The following OTOF variants were observed in gnomAD, a reference collection of about 807,000 sequenced individuals.
The protein encoded by OTOF is otoferlin.
A neutral mutation model predicts 236.8 loss-of-function variants in OTOF; 218 were observed. That is an observed-to-expected ratio of 0.92 (90% CI 0.82 to 1.03). The LOEUF (loss-of-function observed/expected upper bound fraction) is 1.03. Ranked by LOEUF, OTOF falls within the 50% of genes least tolerant of loss-of-function variation. The pLI is 0.00. For synonymous variants in OTOF, 1,041 were observed against 1,072.5 expected, an observed-to-expected ratio of 0.97 and a Z score of 0.57; for missense variants, 2,590 against 2,694.4, an observed-to-expected ratio of 0.96 and a Z score of 0.86.
intron 3 of OTOF, among the ~76,000 whole-genome samples, chr2:26,521,648 C>T (rs1161007174): frequency 4.6e-5 from 7 of 152,206 alleles, no homozygotes; most frequent in South Asian, 2.1e-4. Context: ...GTGTGCTGAG[C>T]AAGATTGGCC....
Position 26,476,039 on chromosome 2 carries a change from C to T in OTOF, c.2867-1G>A. ...GCTCGGAGCTGGAACGCCTGCTTCT[C>T]TGTGGGGAAGGGCAGCCTGAGGTTC... On this transcript the variant is annotated splice_acceptor_variant, in intron 23 of 46. Transcript: ENST00000272371. LOFTEE classifies it high-confidence loss of function. 1 of 1,612,734 alleles carries T rather than the reference C, an allele frequency of 6.2e-7. No individual in the cohort carries two copies. The highest frequency in any genetic ancestry group is 8.5e-7 in the Non-Finnish European group (1 of 1,179,928).
chr2:26,464,752 T>C, intron 39 of OTOF, 117 bp downstream of exon 39: 1 of 1,021,668 alleles, frequency 9.8e-7, no homozygotes, highest in Non-Finnish European at 1.4e-6. Flanking sequence ...TAAGACCAGG[T>C]TTAGGCTGAG....
intron 9 of OTOF, among the ~76,000 whole-genome samples, chr2:26,492,226 G>A (rs950549706): frequency 2.0e-5 from 3 of 152,166 alleles, no homozygotes; most frequent in African/African-American, 7.2e-5. Flanking sequence ...AAACTTGGTA[G>A]CTGTAACTAA....
chr2:26,458,035 G>A lies in OTOF; in HGVS notation c.*203C>T, dbSNP rs1401559056. On this transcript the variant is annotated 3_prime_UTR_variant, in exon 47 of 47. Transcript: ENST00000272371. ...TGGGGAGCGGCTGGCGGGAGCTGGC[G>A]GCCTTCATGCCCCAAGGAGCTTTTT... 1.4e-5 allele frequency: 22 copies of A among 1,610,482 alleles called. No individual in the cohort carries two copies. Among genetic ancestry groups the A allele is most frequent in the Middle Eastern group, 1.7e-4 (1 of 6,046 alleles).
At chr2:26,465,588 C>G in intron 38 of OTOF, 84 bp downstream of exon 38, 2 of 1,463,640 alleles carry the variant, frequency 1.4e-6, no homozygotes, top group South Asian at 2.3e-5. Flanking sequence ...TCTAACCTCT[C>G]AAATCACCAG....
At chr2:26,467,573 C>G in intron 33 of OTOF, 72 bp from the exon 34 acceptor site, 1 of 1,535,556 alleles carries the variant, frequency 6.5e-7, no homozygotes, top group South Asian at 1.2e-5. Context: ...AGACCCAGCT[C>G]TGTCGCTAAT....
At chr2:26,472,437 G>C in intron 30 of OTOF, 82 bp downstream of exon 30, 1 of 1,561,860 alleles carries the variant, frequency 6.4e-7, no homozygotes, top group Non-Finnish European at 8.8e-7. Flanking sequence ...TTTTCTCTCG[G>C]GGCAGATAGT....
chr2:26,501,861 G>A, intron 7 of OTOF, 53 bp from the exon 8 acceptor site: 4 of 1,311,496 alleles, frequency 3.0e-6, no homozygotes, highest in Non-Finnish European at 4.4e-6. Context: ...GCTTGTTGGG[G>A]AGGAGGACAC....
chr2:26,478,828 A>G (rs1665434209), intron 18 of OTOF, among the ~76,000 whole-genome samples: 1 of 152,124 alleles, frequency 6.6e-6, no homozygotes, highest in South Asian at 2.1e-4. Context: ...CCTCCCGAAT[A>G]GCTGGGATTA....
intron 32 of OTOF, among the ~76,000 whole-genome samples, chr2:26,468,943 C>A (rs1412820674): frequency 1.3e-5 from 2 of 152,050 alleles, no homozygotes; most frequent in African/African-American, 4.8e-5. Context: ...AGGAGCAATA[C>A]CCACTGTAAA....
chr2:26,527,569 G>A (rs1666839243), intron 3 of OTOF, among the ~76,000 whole-genome samples: 2 of 152,332 alleles, frequency 1.3e-5, no homozygotes, highest in South Asian at 4.1e-4. Context: ...CTTTGATGGG[G>A]TTGGAGACAG....
chr2:26,484,615 T>C lies in OTOF; in HGVS notation c.1064A>G (p.Lys355Arg), dbSNP rs753220488. The C allele has an allele frequency of 1.1e-5, 18 of 1,613,682 alleles. No individual in the cohort carries two copies. The highest frequency in any genetic ancestry group is 2.5e-6 in the Non-Finnish European group (3 of 1,180,012). The stretch of plus-strand genomic sequence containing the variant: ...ATCGGGGTCAGACAGGATGGCCCAC[T>C]TGTGATGGAACTGGTGCTCTGCAAT... ...YSQPEHQFHHKWAILSDPDDI... is the reference protein window; with the variant it reads ...YSQPEHQFHHRWAILSDPDDI... The change falls in exon 12 of 47, where the codon AAG (lysine) becomes AGG (arginine). Residue 355 changes from lysine (K) to arginine (R), a missense_variant. This residue lies in a region of OTOF where 1,379 missense variants were observed against 1,341.6 expected (regional missense o/e 1.03). Transcript: ENST00000272371.
chr2:26,522,302 C>G (rs893627248), intron 3 of OTOF, among the ~76,000 whole-genome samples: 8 of 152,104 alleles, frequency 5.3e-5, no homozygotes, highest in African/African-American at 1.9e-4. Context: ...AACCTTGACT[C>G]TTTCTACAGG....
intron 33 of OTOF, among the ~76,000 whole-genome samples, 173 bp from the exon 34 acceptor site, chr2:26,467,674 C>A (rs549392104): frequency 6.6e-6 from 1 of 152,144 alleles, no homozygotes; most frequent in Non-Finnish European, 1.5e-5. Flanking sequence ...GTGCTGGGGG[C>A]CCCAGTGGGT....
At position 26,479,377 on chromosome 2, in the gene OTOF, A is replaced by G. The variant is rs1346957044; in HGVS notation, c.2101T>C (p.Phe701Leu). Residue 701 changes from phenylalanine to leucine, a missense_variant, in exon 18 of 47, where the codon TTC (phenylalanine) becomes CTC (leucine). Physicochemically the swap from Phe to Leu is conservative, Grantham distance 22 (BLOSUM62 0). This residue lies in a region of OTOF where 1,379 missense variants were observed against 1,341.6 expected (regional missense o/e 1.03). Coordinates refer to ENST00000272371, the MANE Select transcript of OTOF (RefSeq NM_194248.3). Reference protein sequence around the residue: ...MRPQVTDRNYFHLPYLERKPC... With the variant: ...MRPQVTDRNYLHLPYLERKPC... The stretch of plus-strand genomic sequence containing the variant: ...TTTCGCTCCAGGTAGGGCAGATGGA[A>G]GTAGTTCCTGGGGTGGGCAGAGGCG... The G allele has an allele frequency of 6.2e-7, 1 of 1,612,396 alleles. No homozygotes were observed. Among genetic ancestry groups the G allele is most frequent in the Non-Finnish European group, 8.5e-7 (1 of 1,179,854 alleles).
chr2:26,460,068 TAG>T lies in OTOF; in HGVS notation c.5949_5950del (p.Tyr1984LeufsTer200). ...CTTGACCAGGTAGCCAGGCACAGAGTAGAGGAACAGGGCGAGGAGGAGGAGCA... is the reference window on the plus strand; with the variant it reads ...CTTGACCAGGTAGCCAGGCACAGAGTAGGAACAGGGCGAGGAGGAGGAGCA... On this transcript the variant is annotated frameshift_variant, in exon 46 of 47. Coordinates refer to ENST00000272371, the MANE Select transcript of OTOF (RefSeq NM_194248.3). LOFTEE classifies it high-confidence loss of function. This position sits in a 1 kb window ranked among gnomAD's most constrained non-coding sequence, Gnocchi z 5.3. 8 of 1,573,618 alleles carry T rather than the reference TAG, an allele frequency of 5.1e-6. No individual in the cohort carries two copies. Among genetic ancestry groups the T allele is most frequent in the Non-Finnish European group, 6.9e-6 (8 of 1,159,784 alleles).
At chr2:26,517,617 C>T (rs186162806) in intron 4 of OTOF, among the ~76,000 whole-genome samples, 6 of 152,294 alleles carry the variant, frequency 3.9e-5, no homozygotes, top group Non-Finnish European at 7.4e-5. Context: ...ATGGGACCCT[C>T]TTGGTGGAAC....
chr2:26,513,005 G>T (rs1245998056), intron 5 of OTOF, among the ~76,000 whole-genome samples: 2 of 152,164 alleles, frequency 1.3e-5, no homozygotes, highest in Non-Finnish European at 1.5e-5. Context: ...CGGGGGCATT[G>T]TGCAAAAAGC....
chr2:26,530,316 G>A (rs527984590), intron 2 of OTOF, among the ~76,000 whole-genome samples: 2 of 152,276 alleles, frequency 1.3e-5, no homozygotes, highest in East Asian at 1.9e-4. Context: ...TTTGTTGAGT[G>A]AGAGTCGGGG....
Sources: allele counts gnomAD v4.1 joint callset (sites outside exome capture counted in the v4.1 genomes callset), GRCh38; gene constraint gnomAD v4.1.1; regional missense constraint gnomAD v4.1.1; non-coding constraint Gnocchi (gnomAD v3.1); transcripts MANE v1.5; gene names NCBI Gene and HGNC (gene_info 2026-07-23, HGNC 2026-07-21).